Variants in CASP8 observed in about 807,000 individuals in gnomAD.
CASP8 encodes the protein caspase-8.
In CASP8, 24 loss-of-function variants were observed where a neutral mutation model predicts 46.3. That is an observed-to-expected ratio of 0.52 (90% CI 0.38 to 0.73). The LOEUF (loss-of-function observed/expected upper bound fraction) is 0.73. Ranked by LOEUF, CASP8 falls within the 30% of genes least tolerant of loss-of-function variation. CASP8 has a pLI of 0.00. For missense variants in CASP8, 460 were observed against 559.0 expected, an observed-to-expected ratio of 0.82 and a Z score of 1.79; for synonymous variants, 188 against 200.4, an observed-to-expected ratio of 0.94 and a Z score of 0.52.
rs766263974 is a variant in CASP8 at position 201,286,911 on chromosome 2, G to T, written c.*317G>T. On this transcript the variant is annotated 3_prime_UTR_variant, in exon 9 of 9. Transcript: ENST00000673742. Reference sequence around the variant, plus strand: ...TGGGATTACAGGCGTGAGCCACCGCGCCTGGCCGATGGTACTATTTAGATA... The same window carrying T: ...TGGGATTACAGGCGTGAGCCACCGCTCCTGGCCGATGGTACTATTTAGATA... 1.1e-5 allele frequency: 4 copies of T among 348,012 alleles called. No homozygotes were observed. Among genetic ancestry groups the T allele is most frequent in the African/African-American group, 8.5e-5 (4 of 47,242 alleles). 21.6% of individuals were successfully genotyped at this position (348,012 alleles called of 1,614,324 possible).
intron 2 of CASP8, among the ~76,000 whole-genome samples, chr2:201,252,813 GAA>G (rs1385122652): frequency 6.6e-6 from 1 of 152,168 alleles, no homozygotes; most frequent in Non-Finnish European, 1.5e-5. Context: ...CAGTTTTGAG[GAA>G]AGAAATAATT....
chr2:201,281,691 T>G (rs2125389881), intron 7 of CASP8: 1 of 424,766 alleles, frequency 2.4e-6, no homozygotes, highest in South Asian at 2.0e-5. Context: ...TTGTTTTGTT[T>G]TTTTCTGATT....
chr2:201,282,593 G>C (rs1275045514), intron 7 of CASP8, among the ~76,000 whole-genome samples: 1 of 99,504 alleles, frequency 1.0e-5, no homozygotes, highest in Non-Finnish European at 2.5e-5. Context: ...CTCCCGGACG[G>C]GGCGGCTGGC....
At chr2:201,252,260 C>T (rs550460140) in intron 2 of CASP8, among the ~76,000 whole-genome samples, 1 of 152,018 alleles carries the variant, frequency 6.6e-6, no homozygotes, top group South Asian at 2.1e-4. Context: ...TTTTGGATAA[C>T]AGCATGGTTT....
At chr2:201,263,226 C>T (rs1268970798) in intron 1 of CASP8, among the ~76,000 whole-genome samples, 1 of 152,132 alleles carries the variant, frequency 6.6e-6, no homozygotes, top group Non-Finnish European at 1.5e-5. Flanking sequence ...ATTTTGACAC[C>T]ATAATACTAC....
At chr2:201,275,019 T>C in intron 6 of CASP8, 66 bp downstream of exon 6, 1 of 942,190 alleles carries the variant, frequency 1.1e-6, no homozygotes, top group Non-Finnish European at 1.5e-6. Context: ...TTGTTAGCTT[T>C]TTTTTTTTTT....
At chr2:201,247,866 G>C (rs747657652) in intron 2 of CASP8, among the ~76,000 whole-genome samples, 2 of 152,108 alleles carry the variant, frequency 1.3e-5, no homozygotes, top group African/African-American at 4.8e-5. Context: ...GGATAGTCTC[G>C]ATCTCCTGAC....
chr2:201,268,662 T>G (rs1354811863), intron 2 of CASP8, among the ~76,000 whole-genome samples: 1 of 152,230 alleles, frequency 6.6e-6, no homozygotes, highest in African/African-American at 2.4e-5. Flanking sequence ...TTTTCACAGT[T>G]CTGGAGGCCT....
At position 201,235,380 on chromosome 2, in the gene CASP8, A is replaced by G. The variant is rs536019994; in HGVS notation, c.-27+1268A>G. On this transcript the variant is annotated intron_variant, in intron 2 of 6. Coordinates refer to the CASP8 transcript ENST00000264274. ...TCTGGAAGGTACTTTTCTTAAAATT[A>G]CAGTATTTAGTCCATTTTCATTTAA... is the stretch of plus-strand genomic sequence containing the variant. Among the ~76,000 whole-genome samples the G allele has an allele frequency of 7.2e-5, 11 of 152,278 alleles. No individual in the cohort carries two copies. The South Asian group carries it at 1.7e-3, about 23-fold the overall frequency.
chr2:201,245,656 G>A (rs1482621659), intron 2 of CASP8, among the ~76,000 whole-genome samples: 1 of 152,306 alleles, frequency 6.6e-6, no homozygotes, highest in South Asian at 2.1e-4. Flanking sequence ...GACCACCAGT[G>A]TAGCCTGCCA....
At chr2:201,246,860 A>G (rs1946544932) in intron 2 of CASP8, among the ~76,000 whole-genome samples, 1 of 151,930 alleles carries the variant, frequency 6.6e-6, no homozygotes, top group South Asian at 2.1e-4. Flanking sequence ...GAGGAGCAAG[A>G]AAGGAGCTGC....
intron 2 of CASP8, chr2:201,241,138 A>T (rs1384837079): frequency 1.3e-5 from 2 of 152,316 alleles, no homozygotes; most frequent in South Asian, 4.1e-4. Context: ...GGAGAAGAAG[A>T]TGAAGAAGAA....
At chr2:201,269,768 T>A (rs1035824881) in intron 2 of CASP8, among the ~76,000 whole-genome samples, 6 of 152,250 alleles carry the variant, frequency 3.9e-5, no homozygotes, top group African/African-American at 1.4e-4. Flanking sequence ...CATTTTATTT[T>A]CCAGTTATAA....
intron 8 of CASP8, 41 bp from the exon 9 acceptor site, chr2:201,286,418 T>G (rs1167073032): frequency 6.2e-7 from 1 of 1,604,774 alleles, no homozygotes; most frequent in Non-Finnish European, 8.5e-7. Flanking sequence ...ATCAGTTGCT[T>G]TCCCCCACAG....
At chr2:201,251,673 C>G (rs528260615) in intron 2 of CASP8, among the ~76,000 whole-genome samples, 65 of 151,146 alleles carry the variant, frequency 4.3e-4, no homozygotes, top group Non-Finnish European at 8.2e-4. Context: ...GAGGCGGAGG[C>G]AGGTGTATTA....
intron 7 of CASP8, among the ~76,000 whole-genome samples, chr2:201,280,979 A>AAGGT: frequency 6.6e-6 from 1 of 152,354 alleles, no homozygotes; most frequent in South Asian, 2.1e-4. Flanking sequence ...GAAAGGAAAC[A>AAGGT]TAATGAAAGA....
chr2:201,247,859 T>C (rs2124969022), intron 2 of CASP8, among the ~76,000 whole-genome samples: 1 of 152,324 alleles, frequency 6.6e-6, no homozygotes, highest in Middle Eastern at 3.4e-3. Flanking sequence ...TTAGCCAGGA[T>C]AGTCTCGATC....
rs6745051 is a variant in CASP8, at chr2:201,244,018, A to T, written c.-27+9906A>T. 2.0e-5 allele frequency among the ~76,000 whole-genome samples: 3 copies of T among 152,034 alleles called. No individual in the cohort carries two copies. In the East Asian group the frequency reaches 5.8e-4, roughly 30 times the overall value. Reference sequence around the variant, plus strand: ...TTGGCCTGGAGCCCAAATAATTCCTAAACTCCATCCTTTGATTTTTCAGAG... The same window carrying T: ...TTGGCCTGGAGCCCAAATAATTCCTTAACTCCATCCTTTGATTTTTCAGAG... On this transcript the variant is annotated intron_variant, in intron 2 of 6. Coordinates refer to the CASP8 transcript ENST00000264274.
In CASP8 at chr2:201,286,841, G is replaced by T. The variant is rs1949587411; in HGVS notation, c.*247G>T. The T allele has an allele frequency of 4.9e-6, 2 of 410,804 alleles. No individual in the cohort carries two copies. The allele number at this position is 410,804 out of a possible 1,614,324, so 25.4% of individuals were successfully genotyped here. A position where few individuals can be genotyped will look rare whatever the true frequency, so the allele number is the denominator to read the frequency against. On this transcript the variant is annotated 3_prime_UTR_variant, in exon 9 of 9. Transcript: ENST00000673742. ...TCACTGTGTTAGCCAGGGTGGTCTTGATCTCCTGACCTCGTGATCCACCCA... is the reference window on the plus strand; with the variant it reads ...TCACTGTGTTAGCCAGGGTGGTCTTTATCTCCTGACCTCGTGATCCACCCA...
Sources: allele counts gnomAD v4.1 joint callset (sites outside exome capture counted in the v4.1 genomes callset), GRCh38; gene constraint gnomAD v4.1.1; transcripts MANE v1.5; gene names NCBI Gene and HGNC (gene_info 2026-07-23, HGNC 2026-07-21).